Variants in KYNU observed in about 807,000 individuals in gnomAD.
The protein encoded by KYNU is L-kynurenine hydrolase.
In KYNU, 54 loss-of-function variants were observed where a neutral mutation model predicts 59.2. That is an observed-to-expected ratio of 0.91 (90% confidence interval 0.73 to 1.14). The LOEUF is 1.14. Ranked by LOEUF, KYNU falls within the 50% of genes most tolerant of loss-of-function variation. KYNU has a pLI of 0.00. For synonymous variants in KYNU, 177 were observed against 192.0 expected (o/e 0.92, Z 0.65); for missense variants, 567 against 554.4 (o/e 1.02, Z -0.23).
intron 11 of KYNU, among the ~76,000 whole-genome samples, chr2:143,031,201 A>AT (rs1686728091): frequency 6.6e-6 from 1 of 152,236 alleles, no homozygotes; most frequent in African/African-American, 2.4e-5. Flanking sequence ...ATCTGTTATT[A>AT]TACCAGTTAT....
chr2:142,970,241 A>G (rs1317238638), intron 8 of KYNU, among the ~76,000 whole-genome samples: 2 of 152,158 alleles, frequency 1.3e-5, no homozygotes, highest in Non-Finnish European at 2.9e-5. Context: ...GCAGCAGATA[A>G]TCTATCTTAT....
intron 2 of KYNU, among the ~76,000 whole-genome samples, chr2:142,906,361 G>A (rs1230265132): frequency 2.0e-5 from 3 of 152,204 alleles, no homozygotes; most frequent in African/African-American, 7.2e-5. Flanking sequence ...GTGGGTCGGG[G>A]GATGCTGGGT....
intron 8 of KYNU, among the ~76,000 whole-genome samples, chr2:142,964,170 G>A (rs1441351319): frequency 1.3e-5 from 2 of 150,960 alleles, no homozygotes; most frequent in South Asian, 4.2e-4. Flanking sequence ...ATAGATCACA[G>A]GTTTTTTCCG....
chr2:142,938,656 C>T (rs1158728825), intron 4 of KYNU, among the ~76,000 whole-genome samples: 1 of 152,084 alleles, frequency 6.6e-6, no homozygotes, highest in African/African-American at 2.4e-5. Flanking sequence ...TAGCTTTAGG[C>T]TAAACTTGAT....
intron 3 of KYNU, among the ~76,000 whole-genome samples, chr2:142,924,705 C>T (rs542121281): frequency 6.6e-6 from 1 of 152,330 alleles, no homozygotes; most frequent in Non-Finnish European, 1.5e-5. Context: ...TGAGTTAACT[C>T]TCTCCCATGC....
intron 10 of KYNU, among the ~76,000 whole-genome samples, chr2:143,010,575 T>G (rs1410381390): frequency 7.2e-6 from 1 of 137,992 alleles, no homozygotes; most frequent in African/African-American, 2.9e-5. Flanking sequence ...AAAGTTCATA[T>G]GGAACCAAAA....
Position 143,044,838 on chromosome 2 carries a change from G to C in KYNU, c.*2666G>C, listed in dbSNP as rs116637449. 1 of 151,822 alleles carries C rather than the reference G, an allele frequency of 6.6e-6. No individual in the cohort carries two copies. The highest frequency in any genetic ancestry group is 2.4e-5 in the African/African-American group (1 of 41,338). The allele number at this position is 151,822 out of a possible 1,614,324, so 9.4% of individuals were successfully genotyped here. A position where few individuals can be genotyped will look rare whatever the true frequency, so the allele number is the denominator to read the frequency against. On this transcript the variant is annotated 3_prime_UTR_variant, in exon 14 of 14. Coordinates refer to ENST00000264170, the MANE Select transcript of KYNU (RefSeq NM_003937.3). ...TGTAGAAGCTCTTTAGTTTAATCAG[G>C]TTCCATTTGTCAGTTTTGGCTTTTG... is the stretch of plus-strand genomic sequence containing the variant.
intron 10 of KYNU, among the ~76,000 whole-genome samples, chr2:143,019,495 G>A (rs947584359): frequency 6.6e-6 from 1 of 152,046 alleles, no homozygotes; most frequent in South Asian, 2.1e-4. Context: ...TTCATCCCTG[G>A]GATAAATGCT....
intron 12 of KYNU, among the ~76,000 whole-genome samples, chr2:143,034,683 T>C (rs6751792): frequency 1.3e-5 from 2 of 152,238 alleles, no homozygotes; most frequent in Non-Finnish European, 2.9e-5. Flanking sequence ...GTTTTTTGAG[T>C]AAAAATCTGC....
chr2:142,902,232 A>G (rs1682122428), intron 2 of KYNU, among the ~76,000 whole-genome samples: 1 of 152,180 alleles, frequency 6.6e-6, no homozygotes, highest in Admixed American at 6.5e-5. Flanking sequence ...TTTCTTACTT[A>G]GGTATGCCAT....
intron 4 of KYNU, among the ~76,000 whole-genome samples, chr2:142,928,712 T>C (rs1309658488): frequency 6.6e-6 from 1 of 151,932 alleles, no homozygotes; most frequent in East Asian, 1.9e-4. Flanking sequence ...TCTGAGGACA[T>C]AAAAGTGAAT....
At chr2:142,903,540 G>C (rs1327384258) in intron 2 of KYNU, among the ~76,000 whole-genome samples, 1 of 3,454 alleles carries the variant, frequency 2.9e-4, no homozygotes, top group African/African-American at 1.7e-3. Flanking sequence ...CTTGGATAGT[G>C]ACAGATCTGG....
At chr2:143,041,905 G>A in intron 13 of KYNU, 142 bp from the exon 14 acceptor site, 1 of 755,822 alleles carries the variant, frequency 1.3e-6, no homozygotes, top group East Asian at 2.9e-5. Flanking sequence ...AAAACACCAT[G>A]TTTTAAAGTA....
chr2:142,966,612 G>C (rs545314369), intron 8 of KYNU, among the ~76,000 whole-genome samples: 199 of 152,176 alleles, frequency 1.3e-3, no homozygotes, highest in South Asian at 6.9e-3. Flanking sequence ...AGAATGTGTA[G>C]ATCAGGAAGA....
chr2:142,931,878 G>A (rs746259471), intron 4 of KYNU, among the ~76,000 whole-genome samples: 10 of 152,188 alleles, frequency 6.6e-5, no homozygotes, highest in Admixed American at 2.0e-4. Context: ...CTGGATGGAT[G>A]TTCAGAGTAC....
chr2:142,968,982 G>C (rs575838015), intron 8 of KYNU, among the ~76,000 whole-genome samples: 3 of 152,168 alleles, frequency 2.0e-5, no homozygotes, highest in Admixed American at 2.0e-4. Context: ...AGGTATGAAA[G>C]GACAGATCCA....
rs148888277 is a variant in KYNU, at chr2:143,041,394, G to C, written c.1273-653G>C. 6.6e-5 allele frequency among the ~76,000 whole-genome samples: 10 copies of C among 152,092 alleles called. 1 individual carries two copies. The highest frequency in any genetic ancestry group is 2.2e-4 in the African/African-American group (9 of 41,518). ...GCTGTCGTCAAACTCTGTCCTCTTTGGAAAGTTCATTAGGATCTATTGGCT... is the reference window on the plus strand; with the variant it reads ...GCTGTCGTCAAACTCTGTCCTCTTTCGAAAGTTCATTAGGATCTATTGGCT... On this transcript the variant is annotated intron_variant, in intron 13 of 13. Coordinates refer to ENST00000264170, the MANE Select transcript of KYNU (RefSeq NM_003937.3).
intron 2 of KYNU, among the ~76,000 whole-genome samples, chr2:142,899,241 T>C (rs1681988539): frequency 6.6e-6 from 1 of 152,166 alleles, no homozygotes; most frequent in South Asian, 2.1e-4. Flanking sequence ...TGCCACTCCC[T>C]GCTTGAATGC....
At chr2:142,994,924 A>G (rs1330277607) in intron 10 of KYNU, among the ~76,000 whole-genome samples, 1 of 152,124 alleles carries the variant, frequency 6.6e-6, no homozygotes, top group African/African-American at 2.4e-5. Flanking sequence ...GCATTTCCAT[A>G]TGCTTCTATG....
Sources: gnomAD v4.1 joint callset for allele counts (sites outside exome capture counted in the v4.1 genomes callset) on GRCh38, gnomAD v4.1.1 for gene constraint, MANE v1.5 for transcripts, NCBI Gene and HGNC (gene_info 2026-07-23, HGNC 2026-07-21) for gene names.